The following SPON1 variants were observed in gnomAD, a reference collection of about 807,000 sequenced individuals.
The protein encoded by SPON1 is spondin 1, also known as spondin-1.
A neutral mutation model predicts 111.7 loss-of-function variants in SPON1; 52 were observed. The ratio of observed to expected loss-of-function variants is 0.47; its 90% CI spans 0.37 to 0.59. SPON1 has a LOEUF of 0.59. Among genes scored for constraint, SPON1 ranks in the 20% least tolerant of loss-of-function variants. The pLI is 0.00. For missense variants in SPON1, 957 were observed against 1,068.5 expected, an observed-to-expected ratio of 0.90 and a Z score of 1.46; for synonymous variants, 410 against 395.8, an observed-to-expected ratio of 1.04 and a Z score of -0.43.
chr11:14,074,685 T>C (rs1264492219), intron 3 of SPON1, among the ~76,000 whole-genome samples: 1 of 152,336 alleles, frequency 6.6e-6, no homozygotes, highest in East Asian at 1.9e-4. Context: ...AAAAGAAGCA[T>C]GTCTGTGCAA....
chr11:14,096,480 G>A (rs184847071), intron 5 of SPON1, among the ~76,000 whole-genome samples: 95 of 152,252 alleles, frequency 6.2e-4, no homozygotes, highest in African/African-American at 2.2e-3. Flanking sequence ...TGGCTCTCTC[G>A]CCCTCTGCAT....
At chr11:14,172,720 T>C (rs1848121473) in intron 6 of SPON1, among the ~76,000 whole-genome samples, 1 of 152,026 alleles carries the variant, frequency 6.6e-6, no homozygotes, top group East Asian at 1.9e-4. Flanking sequence ...TTTGCTTGTC[T>C]GTAAAGTATT....
intron 6 of SPON1, among the ~76,000 whole-genome samples, chr11:14,223,256 T>A (rs1848700618): frequency 1.3e-5 from 2 of 151,998 alleles, no homozygotes; most frequent in Admixed American, 1.3e-4. Flanking sequence ...CCCAGCTACT[T>A]AGGAGGCTGA....
chr11:14,215,897 ATG>A (rs1554937111), intron 6 of SPON1, among the ~76,000 whole-genome samples: 1 of 152,186 alleles, frequency 6.6e-6, no homozygotes, highest in East Asian at 1.9e-4. Flanking sequence ...GAAAGGGAAA[ATG>A]AGAATTGCAG....
intron 6 of SPON1, among the ~76,000 whole-genome samples, chr11:14,202,446 G>C (rs1190568870): frequency 6.6e-6 from 1 of 152,188 alleles, no homozygotes; most frequent in Non-Finnish European, 1.5e-5. Context: ...GCATGGTCCG[G>C]AGTAGTGCCC....
rs1591360462 is a variant in SPON1, at chr11:14,045,520, G to A, written c.479+3866G>A. On this transcript the variant is annotated intron_variant, in intron 3 of 15. Transcript: ENST00000576479. ...TTGAACCCAGGAGATGGAGGTTGCA[G>A]TTAGCTGAGATCCTGCCACTGCCAT... is the stretch of plus-strand genomic sequence containing the variant. Among the ~76,000 whole-genome samples, 4 of 152,030 alleles carry A rather than the reference G, an allele frequency of 2.6e-5. No homozygotes were observed. The South Asian group carries it at 8.3e-4, about 32-fold the overall frequency.
intron 14 of SPON1, 43 bp downstream of exon 14, chr11:14,260,795 T>TGAGTC (rs1554941847): frequency 6.3e-7 from 1 of 1,591,296 alleles, no homozygotes; most frequent in African/African-American, 1.3e-5. Flanking sequence ...TCTATGTTCC[T>TGAGTC]GAGTCCAGGG....
intron 6 of SPON1, among the ~76,000 whole-genome samples, chr11:14,155,953 T>A (rs1350874576): frequency 2.3e-5 from 3 of 133,022 alleles, no homozygotes; most frequent in East Asian, 4.8e-4. Flanking sequence ...AGTGCCGCAA[T>A]AAACATACAT....
At chr11:13,986,035 T>G (rs1554910291) in intron 2 of SPON1, among the ~76,000 whole-genome samples, 1 of 152,256 alleles carries the variant, frequency 6.6e-6, no homozygotes, top group African/African-American at 2.4e-5. Flanking sequence ...CTGTTATCTT[T>G]GGAGTCCTTG....
At chr11:14,136,622 G>A (rs1206447717) in intron 6 of SPON1, among the ~76,000 whole-genome samples, 1 of 152,146 alleles carries the variant, frequency 6.6e-6, no homozygotes, top group Non-Finnish European at 1.5e-5. Flanking sequence ...AGGCAACAAA[G>A]GTCACTCTGA....
intron 6 of SPON1, among the ~76,000 whole-genome samples, chr11:14,148,056 A>T (rs1847743900): frequency 6.6e-6 from 1 of 152,062 alleles, no homozygotes; most frequent in Admixed American, 6.6e-5. Context: ...CTTTCTTCTG[A>T]CTCAGCAGTT....
chr11:14,123,056 G>T (rs1265487258), intron 5 of SPON1, among the ~76,000 whole-genome samples: 1 of 151,442 alleles, frequency 6.6e-6, no homozygotes, highest in Non-Finnish European at 1.5e-5. Context: ...TCAGCCTCTG[G>T]AGTATCTGTG....
intron 7 of SPON1, among the ~76,000 whole-genome samples, chr11:14,245,461 C>A (rs1335126445): frequency 1.3e-5 from 2 of 152,170 alleles, no homozygotes; most frequent in African/African-American, 4.8e-5. Flanking sequence ...AATATAATGT[C>A]ATCATGGCAG....
intron 5 of SPON1, among the ~76,000 whole-genome samples, chr11:14,116,423 G>A (rs782344161): frequency 1.1e-4 from 17 of 152,084 alleles, no homozygotes; most frequent in African/African-American, 1.9e-4. Flanking sequence ...TATGGTGTGA[G>A]GTAGGAGTCA....
At chr11:14,224,342 A>C (rs1169513608) in intron 6 of SPON1, among the ~76,000 whole-genome samples, 2 of 152,186 alleles carry the variant, frequency 1.3e-5, no homozygotes, top group African/African-American at 4.8e-5. Context: ...CGGTCAGGAA[A>C]GCCTTGAACT....
Position 14,104,998 on chromosome 11 carries a change from T to A in SPON1, c.676+24977T>A, listed in dbSNP as rs782126977. On this transcript the variant is annotated intron_variant, in intron 5 of 15. Transcript: ENST00000576479. ...ACATGAAATATGTAACCTAGCTCCT[T>A]GCAGAATGTTTTCTTTTCCTTTTGT... is the stretch of plus-strand genomic sequence containing the variant. Among the ~76,000 whole-genome samples, 60 of 152,268 alleles carry A rather than the reference T, an allele frequency of 3.9e-4. 1 individual carries two copies. The highest frequency in any genetic ancestry group is 7.1e-4 in the Non-Finnish European group (48 of 67,978).
intron 2 of SPON1, among the ~76,000 whole-genome samples, chr11:13,996,177 T>A (rs76507811): frequency 6.6e-6 from 1 of 152,148 alleles, no homozygotes; most frequent in Non-Finnish European, 1.5e-5. Flanking sequence ...TTTTTTTTTT[T>A]AATAAGAAAT....
chr11:14,212,588 C>T (rs966633586), intron 6 of SPON1, among the ~76,000 whole-genome samples: 2 of 152,124 alleles, frequency 1.3e-5, no homozygotes, highest in Admixed American at 1.3e-4. Context: ...ATCATCATTT[C>T]CCTATAAATA....
Position 14,265,916 on chromosome 11 carries a change from A to G in SPON1, c.*229A>G. The stretch of plus-strand genomic sequence containing the variant: ...AGCCAGCCTCTTCCTGCAGAGGAGT[A>G]GTGTCAGCCACCTTGTACTAAGCTG... On this transcript the variant is annotated 3_prime_UTR_variant, in exon 16 of 16. Coordinates refer to ENST00000576479, the MANE Select transcript of SPON1 (RefSeq NM_006108.4). 6.4e-6 allele frequency: 3 copies of G among 470,502 alleles called. No individual in the cohort carries two copies. In the South Asian group the frequency reaches 7.3e-5, roughly 11 times the overall value. The allele number at this position is 470,502 out of a possible 1,614,324, so 29.1% of individuals were successfully genotyped here. A position where few individuals can be genotyped will look rare whatever the true frequency, so the allele number is the denominator to read the frequency against.
Sources: gnomAD v4.1 joint callset for allele counts (sites outside exome capture counted in the v4.1 genomes callset) on GRCh38, gnomAD v4.1.1 for gene constraint, MANE v1.5 for transcripts, NCBI Gene and HGNC (gene_info 2026-07-23, HGNC 2026-07-21) for gene names.